DLG1: variants seen among roughly 807,000 people sequenced by gnomAD.
DLG1 encodes disks large homolog 1.
DLG1 carries 42 observed loss-of-function variants against 123.4 expected under a neutral mutation model. The observed-to-expected ratio is 0.34, with a 90% CI of 0.27 to 0.44. DLG1 has a LOEUF of 0.44. Ranked by LOEUF, DLG1 falls within the 20% of genes least tolerant of loss-of-function variation. The probability of loss-of-function intolerance (pLI) is 1.00; values close to 1 mark genes in which losing one functional copy is unlikely to be tolerated. For synonymous variants in DLG1, 317 were observed against 356.2 expected (o/e 0.89, Z 1.24); for missense variants, 942 against 1,082.6 (o/e 0.87, Z 1.82).
In DLG1 at chr3:197,088,682, A is replaced by G. The variant is rs563160791; in HGVS notation, c.1661+2230T>C. The stretch of plus-strand genomic sequence containing the variant: ...AGTCTAGACTGGAGCATAAAGATAG[A>G]AAAAACCTGAACTATCAGACCGTAT... On this transcript the variant is annotated intron_variant, in intron 15 of 24. Transcript: ENST00000667157. Among the ~76,000 whole-genome samples, 6 of 152,372 alleles carry G rather than the reference A, an allele frequency of 3.9e-5. No individual in the cohort carries two copies. In the South Asian group the frequency reaches 6.2e-4, roughly 16 times the overall value.
intron 11 of DLG1, among the ~76,000 whole-genome samples, chr3:197,127,461 T>A (rs1261431317): frequency 2.1e-3 from 32 of 15,026 alleles, no homozygotes; most frequent in African/African-American, 3.1e-3. Context: ...AAAAAAAATA[T>A]ATATATATAT....
chr3:197,278,904 T>G (rs148528508), intron 4 of DLG1, among the ~76,000 whole-genome samples: 1 of 152,236 alleles, frequency 6.6e-6, no homozygotes, highest in Non-Finnish European at 1.5e-5. Context: ...AAGAGGCATG[T>G]TGCATGCAAT....
chr3:197,082,831 T>C (rs1384230770), intron 16 of DLG1, among the ~76,000 whole-genome samples: 1 of 152,160 alleles, frequency 6.6e-6, no homozygotes, highest in African/African-American at 2.4e-5. Context: ...CATTATTGCT[T>C]GCTTTAAAAC....
intron 5 of DLG1, chr3:197,161,862 T>C: frequency 6.6e-6 from 4 of 607,210 alleles, no homozygotes; most frequent in South Asian, 2.2e-5. Flanking sequence ...AGGAAAAACA[T>C]TAATACATTA....
rs1560454550 is a variant in DLG1, at chr3:197,069,257, T to C, written c.2009A>G (p.His670Arg). The C allele has an allele frequency of 6.3e-7, 1 of 1,586,846 alleles. No individual in the cohort carries two copies. Residue 670 changes from histidine (H) to arginine (R), a missense_variant, in exon 19 of 25, where the codon CAT (histidine) becomes CGT (arginine). His to Arg is a conservative substitution (Grantham distance 29). Transcript: ENST00000667157. Reference protein sequence around the residue: ...SEQETSDADQHVTSNASDSES... With the variant: ...SEQETSDADQRVTSNASDSES... ...ACTATCGCTGGCATTAGAAGTTACA[T>C]GCTCTGAAATTGCAGGACAATGAAA...
At chr3:197,268,740 C>T (rs1762717882) in intron 4 of DLG1, among the ~76,000 whole-genome samples, 1 of 151,934 alleles carries the variant, frequency 6.6e-6, no homozygotes, top group Non-Finnish European at 1.5e-5. Flanking sequence ...AACTTTTTGA[C>T]TCTTTCACCT....
chr3:197,205,884 C>T (rs1366077118), intron 4 of DLG1, among the ~76,000 whole-genome samples: 1 of 152,180 alleles, frequency 6.6e-6, no homozygotes, highest in Admixed American at 6.5e-5. Context: ...GGGCCCACTT[C>T]CTCCATCTTC....
chr3:197,270,718 G>A (rs1484835115), intron 4 of DLG1, among the ~76,000 whole-genome samples: 1 of 152,088 alleles, frequency 6.6e-6, no homozygotes, highest in African/African-American at 2.4e-5. Flanking sequence ...TGGAAGATCT[G>A]GAGGTCCCCA....
chr3:197,189,536 A>G lies in DLG1; in HGVS notation c.483+4889T>C, dbSNP rs991146533. Among the ~76,000 whole-genome samples the G allele has an allele frequency of 3.3e-5, 5 of 152,210 alleles. No individual in the cohort carries two copies. The South Asian group carries it at 1.0e-3, about 31-fold the overall frequency. On this transcript the variant is annotated intron_variant, in intron 5 of 24. Coordinates refer to ENST00000667157, the MANE Select transcript of DLG1 (RefSeq NM_001366207.1). ...ATATGAATCAGACAGCCAGCAAACC[A>G]AAGTGAGGGAAAGGGGACTAGTGAG...
At chr3:197,279,311 TC>T (rs1308322460) in intron 4 of DLG1, among the ~76,000 whole-genome samples, 3 of 152,248 alleles carry the variant, frequency 2.0e-5, no homozygotes, top group Non-Finnish European at 4.4e-5. Context: ...ATTTACATTT[TC>T]AGACAAACAT....
chr3:197,241,849 A>G (rs961003966), intron 4 of DLG1, among the ~76,000 whole-genome samples: 2 of 152,196 alleles, frequency 1.3e-5, no homozygotes, highest in African/African-American at 4.8e-5. Flanking sequence ...AATTCACTAA[A>G]AATAAAAAGC....
intron 16 of DLG1, among the ~76,000 whole-genome samples, chr3:197,082,204 T>A (rs1418291577): frequency 6.6e-6 from 1 of 152,016 alleles, no homozygotes; most frequent in Non-Finnish European, 1.5e-5. Flanking sequence ...ACCCTGTCTC[T>A]ACTAAAAATA....
intron 18 of DLG1, among the ~76,000 whole-genome samples, chr3:197,073,154 T>A (rs1024987653): frequency 1.3e-5 from 2 of 152,196 alleles, no homozygotes; most frequent in African/African-American, 4.8e-5. Flanking sequence ...TACTCTTACA[T>A]CTTATTCGTA....
At chr3:197,214,000 CACAA>C (rs956172821) in intron 4 of DLG1, among the ~76,000 whole-genome samples, 14 of 152,056 alleles carry the variant, frequency 9.2e-5, no homozygotes, top group African/African-American at 2.4e-4. Context: ...TTGATAGCAG[CACAA>C]ACAAAGAGAA....
intron 4 of DLG1, among the ~76,000 whole-genome samples, chr3:197,247,778 G>C (rs1272259575): frequency 6.6e-6 from 1 of 152,108 alleles, no homozygotes; most frequent in East Asian, 1.9e-4. Flanking sequence ...TATACTTTCT[G>C]TTTCTTGTCT....
intron 4 of DLG1, among the ~76,000 whole-genome samples, chr3:197,259,157 A>C (rs1339101399): frequency 6.6e-6 from 1 of 152,132 alleles, no homozygotes; most frequent in Non-Finnish European, 1.5e-5. Context: ...GACAACCATG[A>C]AAAAAATTTA....
At position 197,076,563 on chromosome 3, in the gene DLG1, G is replaced by T; in HGVS notation, c.2005+23C>A. On this transcript the variant is annotated intron_variant, in intron 18 of 24. Transcript: ENST00000667157. ...GTCCCTCTCCATTTTATTTTCAGTT[G>T]ACCACTGGATCCACATACTTACGGT... 1.9e-6 allele frequency: 3 copies of T among 1,571,040 alleles called. No homozygotes were observed. In the South Asian group the frequency reaches 3.4e-5, roughly 18 times the overall value.
intron 4 of DLG1, among the ~76,000 whole-genome samples, chr3:197,250,584 AAAAG>A (rs966547020): frequency 1.5e-4 from 23 of 151,892 alleles, no homozygotes; most frequent in Non-Finnish European, 2.9e-4. Context: ...AAAAAAAAGA[AAAAG>A]AAAAAGAGAA....
In DLG1 at chr3:197,142,580, C is replaced by T. The variant is rs552813967; in HGVS notation, c.588+138G>A. 9.0e-5 allele frequency: 46 copies of T among 512,706 alleles called. No homozygotes were observed. In the East Asian group the frequency reaches 1.6e-3, roughly 18 times the overall value. 31.8% of individuals were successfully genotyped at this position (512,706 alleles called of 1,614,324 possible). A position where few individuals can be genotyped will look rare whatever the true frequency, so the allele number is the denominator to read the frequency against. ...AGAAAAGGCAAATGTTTTGAAAATA[C>T]CTTGGCCAATTTTATGAACTGGGAA... is the stretch of plus-strand genomic sequence containing the variant. On this transcript the variant is annotated intron_variant, in intron 7 of 24. Transcript: ENST00000667157.
Sources: allele counts gnomAD v4.1 joint callset (sites outside exome capture counted in the v4.1 genomes callset), GRCh38; gene constraint gnomAD v4.1.1; transcripts MANE v1.5; gene names NCBI Gene and HGNC (gene_info 2026-07-23, HGNC 2026-07-21).